The following OPHN1 variants were observed in gnomAD, a reference collection of about 807,000 sequenced individuals.
The protein encoded by OPHN1 is oligophrenin 1.
OPHN1 carries 11 observed loss-of-function variants against 60.7 expected under a neutral mutation model. That is an observed-to-expected ratio of 0.18 (90% CI 0.11 to 0.30). OPHN1 has a LOEUF of 0.30. Among genes scored for constraint, OPHN1 ranks in the 10% least tolerant of loss-of-function variants. OPHN1 has a pLI of 1.00. For missense variants in OPHN1, 449 were observed against 611.0 expected (o/e 0.73, Z 2.80); for synonymous variants, 226 against 222.6 (o/e 1.02, Z -0.14).
intron 2 of OPHN1, among the ~76,000 whole-genome samples, chrX:68,327,922 T>C (rs542053939): frequency 8.5e-4 from 82 of 96,319 alleles, no homozygotes; most frequent in African/African-American, 2.8e-3. Flanking sequence ...CTCCGCTTCC[T>C]GGGTTCACGC....
chrX:68,422,316 T>C (rs1056058591), intron 2 of OPHN1, among the ~76,000 whole-genome samples: 42 of 108,719 alleles, frequency 3.9e-4, no homozygotes, highest in Admixed American at 3.2e-3. Context: ...GCCCAGGAGT[T>C]TGAGAGCACC....
intron 6 of OPHN1, among the ~76,000 whole-genome samples, chrX:68,226,849 C>G (rs987930743): frequency 1.7e-4 from 19 of 111,703 alleles, no homozygotes; most frequent in Admixed American, 1.6e-3. Context: ...CAGCGAACAT[C>G]ATAATCACAG....
intron 9 of OPHN1, among the ~76,000 whole-genome samples, chrX:68,208,159 C>T (rs1402830108): frequency 9.1e-6 from 1 of 109,502 alleles, no homozygotes; most frequent in East Asian, 2.9e-4. Flanking sequence ...GGCACCATCT[C>T]GGCTGAGTAA....
At chrX:68,379,408 G>A (rs1030803917) in intron 2 of OPHN1, among the ~76,000 whole-genome samples, 2 of 108,799 alleles carry the variant, frequency 1.8e-5, no homozygotes, top group African/African-American at 6.7e-5. Context: ...TTTCCTAATT[G>A]AATACCCTTT....
chrX:68,374,279 C>G (rs1254121122), intron 2 of OPHN1, among the ~76,000 whole-genome samples: 1 of 107,110 alleles, frequency 9.3e-6, no homozygotes, highest in African/African-American at 3.5e-5. Flanking sequence ...TGGCTTGAAC[C>G]TGGGAGGCAG....
At chrX:68,112,053 GCACACATGCACA>G (rs1395200555) in intron 17 of OPHN1, 94 bp from the exon 18 acceptor site, 23 of 406,434 alleles carry the variant, frequency 5.7e-5, no homozygotes, top group African/African-American at 9.0e-5. Flanking sequence ...ACACACACAT[GCACACATGCACA>G]CACACACACA....
chrX:68,287,145 G>GAAA (rs1350210661), intron 3 of OPHN1, among the ~76,000 whole-genome samples: 2 of 85,300 alleles, frequency 2.3e-5, no homozygotes, highest in East Asian at 3.5e-4. Flanking sequence ...AAGGAAGGAA[G>GAAA]GAAGAAAGAA....
At chrX:68,409,684 A>G (rs1210984515) in intron 2 of OPHN1, among the ~76,000 whole-genome samples, 3 of 112,018 alleles carry the variant, frequency 2.7e-5, no homozygotes, top group African/African-American at 9.7e-5. Context: ...TGAAAATACA[A>G]ATCTTTAAAA....
At chrX:68,155,006 G>C (rs1240318398) in intron 15 of OPHN1, among the ~76,000 whole-genome samples, 1 of 109,979 alleles carries the variant, frequency 9.1e-6, no homozygotes, top group African/African-American at 3.3e-5. Context: ...AAGCATGCTA[G>C]AGGGTGCAAA....
intron 20 of OPHN1, chrX:68,070,450 C>A: frequency 3.6e-6 from 2 of 557,557 alleles, no homozygotes; most frequent in South Asian, 2.4e-5. Flanking sequence ...TTAGCTAATG[C>A]CAAGTGGAGA....
chrX:68,217,411 C>T (rs1362279750), intron 6 of OPHN1, among the ~76,000 whole-genome samples: 1 of 112,173 alleles, frequency 8.9e-6, no homozygotes, highest in Non-Finnish European at 1.9e-5. Flanking sequence ...GAAGCTCGAA[C>T]TGGGTGGAGC....
At chrX:68,337,440 A>C (rs1403798704) in intron 2 of OPHN1, among the ~76,000 whole-genome samples, 2 of 112,359 alleles carry the variant, frequency 1.8e-5, no homozygotes, top group African/African-American at 6.5e-5. Flanking sequence ...CCACAATGGC[A>C]GATGTAAATC....
In OPHN1 at chrX:68,070,794, A is replaced by G. The variant is rs188138146; in HGVS notation, c.1834+2358T>C. On this transcript the variant is annotated intron_variant, in intron 20 of 24. Transcript: ENST00000355520. Reference sequence around the variant, plus strand: ...ACACAATCTGCTTAGCCCAAGTGACAGTCTCAGCATACTTCTTGCTGCTTT... The same window carrying G: ...ACACAATCTGCTTAGCCCAAGTGACGGTCTCAGCATACTTCTTGCTGCTTT... 2.1e-4 allele frequency: 248 copies of G among 1,158,348 alleles called. 1 individual carries two copies. The African/African-American group carries it at 4.2e-3, about 19-fold the overall frequency.
At chrX:68,127,283 T>C (rs1390989662) in intron 15 of OPHN1, among the ~76,000 whole-genome samples, 2 of 111,943 alleles carry the variant, frequency 1.8e-5, no homozygotes, top group Non-Finnish European at 3.8e-5. Flanking sequence ...GTGGCTGATA[T>C]AAGGTGACAA....
chrX:68,402,205 G>A (rs1299363961), intron 2 of OPHN1, among the ~76,000 whole-genome samples: 1 of 109,381 alleles, frequency 9.1e-6, no homozygotes, highest in Non-Finnish European at 1.9e-5. Context: ...CACTGCTGGA[G>A]GTAAATCTAC....
intron 2 of OPHN1, among the ~76,000 whole-genome samples, chrX:68,431,953 C>T (rs1055912889): frequency 2.7e-5 from 3 of 111,257 alleles, no homozygotes; most frequent in African/African-American, 9.8e-5. Flanking sequence ...TCATTACCCT[C>T]CATTCTTCTG....
intron 5 of OPHN1, among the ~76,000 whole-genome samples, chrX:68,249,906 T>A (rs929093633): frequency 3.6e-5 from 4 of 111,994 alleles, no homozygotes; most frequent in African/African-American, 1.3e-4. Context: ...CTTGCTGGGG[T>A]GTCAAGAGAA....
chrX:68,136,291 C>CTTTTTTTTTTT (rs779712280), intron 15 of OPHN1, among the ~76,000 whole-genome samples: 22 of 64,106 alleles, frequency 3.4e-4, no homozygotes, highest in African/African-American at 1.3e-3. Context: ...AATATCTTTT[C>CTTTTTTTTTTT]TTTTTTTTTT....
chrX:68,073,078 A>G (rs2076940554), intron 20 of OPHN1, 74 bp downstream of exon 20: 1 of 1,096,826 alleles, frequency 9.1e-7, no homozygotes, highest in Non-Finnish European at 1.2e-6. Context: ...TGGTCATGCC[A>G]CCGCTTCTGC....
Sources: allele counts gnomAD v4.1 joint callset (sites outside exome capture counted in the v4.1 genomes callset), GRCh38; gene constraint gnomAD v4.1.1; transcripts MANE v1.5; gene names NCBI Gene and HGNC (gene_info 2026-07-23, HGNC 2026-07-21).